The following GRM7 variants were observed in gnomAD, a reference collection of about 807,000 sequenced individuals.
GRM7 encodes the protein metabotropic glutamate receptor 7.
A neutral mutation model predicts 84.5 loss-of-function variants in GRM7; 35 were observed. That is an observed-to-expected ratio of 0.41 (90% confidence interval 0.32 to 0.55). The LOEUF (loss-of-function observed/expected upper bound fraction) is 0.55. Among genes scored for constraint, GRM7 ranks in the 20% least tolerant of loss-of-function variants. The pLI is 0.19. For missense variants in GRM7, 1,003 were observed against 1,194.6 expected, an observed-to-expected ratio of 0.84 and a Z score of 2.36; for synonymous variants, 487 against 455.1, an observed-to-expected ratio of 1.07 and a Z score of -0.89.
intron 5 of GRM7, among the ~76,000 whole-genome samples, chr3:7,436,307 C>A (rs1214380590): frequency 2.0e-5 from 3 of 151,898 alleles, no homozygotes; most frequent in South Asian, 2.1e-4. Flanking sequence ...TAAGAACAGG[C>A]TTAGATTAGG....
intron 2 of GRM7, among the ~76,000 whole-genome samples, chr3:7,178,481 C>G (rs1199217860): frequency 6.6e-6 from 1 of 152,100 alleles, no homozygotes; most frequent in Non-Finnish European, 1.5e-5. Flanking sequence ...ATTAGCAGAG[C>G]TCACTGCTTA....
intron 4 of GRM7, among the ~76,000 whole-genome samples, chr3:7,398,861 A>T (rs1424447557): frequency 6.6e-6 from 1 of 151,956 alleles, no homozygotes; most frequent in African/African-American, 2.4e-5. Context: ...AAGCTTTGAG[A>T]TTCTATGATT....
intron 2 of GRM7, among the ~76,000 whole-genome samples, chr3:7,290,073 C>G (rs1333875581): frequency 6.6e-6 from 1 of 152,022 alleles, no homozygotes; most frequent in African/African-American, 2.4e-5. Context: ...ATGTTAATTT[C>G]TATATCCCCC....
rs115103879 is a variant in GRM7, at chr3:7,097,812, G to A, written c.520-48640G>A. 4.6e-3 allele frequency among the ~76,000 whole-genome samples: 697 copies of A among 152,066 alleles called. 7 individuals are homozygous for A. Among genetic ancestry groups the A allele is most frequent in the African/African-American group, 0.016 (660 of 41,508 alleles). ...GACTCCTTTGCCTCATTTGACATTC[G>A]AAGCCATGCTTTTCTAATTGGAACT... On this transcript the variant is annotated intron_variant, in intron 1 of 9. Transcript: ENST00000357716.
chr3:7,356,304 T>TTTTTTA (rs1693398728), intron 4 of GRM7, among the ~76,000 whole-genome samples: 1 of 151,460 alleles, frequency 6.6e-6, no homozygotes, highest in Non-Finnish European at 1.5e-5. Flanking sequence ...AGGATTTTTT[T>TTTTTTA]TTTTTTATTT....
At chr3:7,229,631 T>C (rs1394360473) in intron 2 of GRM7, among the ~76,000 whole-genome samples, 2 of 148,266 alleles carry the variant, frequency 1.3e-5, no homozygotes, top group Admixed American at 6.8e-5. Context: ...TGGATTTCCC[T>C]GGGAAATACT....
chr3:7,246,024 T>A (rs1489957943), intron 2 of GRM7, among the ~76,000 whole-genome samples: 1 of 152,128 alleles, frequency 6.6e-6, no homozygotes, highest in Non-Finnish European at 1.5e-5. Context: ...ACTGAAGAGA[T>A]AGAATGCATT....
chr3:7,002,693 T>C (rs1467454893), intron 1 of GRM7, among the ~76,000 whole-genome samples: 1 of 152,030 alleles, frequency 6.6e-6, no homozygotes, highest in African/African-American at 2.4e-5. Flanking sequence ...CTTTTAAAAA[T>C]TAAAAAATAG....
intron 4 of GRM7, among the ~76,000 whole-genome samples, chr3:7,409,725 C>G (rs1695840841): frequency 6.6e-6 from 1 of 152,062 alleles, no homozygotes; most frequent in Non-Finnish European, 1.5e-5. Flanking sequence ...CTCAGCCTCC[C>G]AAGTAGCTGG....
At chr3:7,597,055 T>C (rs2125067434) in intron 8 of GRM7, among the ~76,000 whole-genome samples, 1 of 152,300 alleles carries the variant, frequency 6.6e-6, no homozygotes, top group East Asian at 1.9e-4. Flanking sequence ...TATAAAGAAA[T>C]ACCTGAGACT....
intron 2 of GRM7, among the ~76,000 whole-genome samples, chr3:7,212,856 C>T (rs1310325944): frequency 6.6e-6 from 1 of 152,148 alleles, no homozygotes; most frequent in Non-Finnish European, 1.5e-5. Context: ...ATTGAGAAGA[C>T]ACTGCATGCT....
intron 1 of GRM7, among the ~76,000 whole-genome samples, chr3:7,067,051 C>T (rs540003278): frequency 7.9e-5 from 12 of 151,958 alleles, no homozygotes; most frequent in East Asian, 3.9e-4. Context: ...TGTGACAAAC[C>T]GACAGCCAAC....
chr3:6,885,213 T>A (rs1332339758), intron 1 of GRM7, among the ~76,000 whole-genome samples: 1 of 152,178 alleles, frequency 6.6e-6, no homozygotes, highest in East Asian at 1.9e-4. Context: ...ACGACTTTTA[T>A]TGAAGCAGTA....
intron 7 of GRM7, chr3:7,559,346 G>A (rs931423914): frequency 1.3e-5 from 2 of 152,054 alleles, no homozygotes; most frequent in Non-Finnish European, 2.9e-5. Context: ...ATGCCAAGGT[G>A]TGTACCCTAT....
intron 1 of GRM7, among the ~76,000 whole-genome samples, chr3:7,115,318 A>G (rs1692993885): frequency 6.6e-6 from 1 of 152,100 alleles, no homozygotes; most frequent in Non-Finnish European, 1.5e-5. Context: ...TCTCTTTGCT[A>G]GTGATAACAG....
At chr3:7,146,391 A>T in intron 1 of GRM7, 61 bp from the exon 2 acceptor site, 1 of 1,249,248 alleles carries the variant, frequency 8.0e-7, no homozygotes, top group South Asian at 1.2e-5. Flanking sequence ...TGTCATAAGT[A>T]TAAATGAGTC....
At chr3:7,654,330 C>G (rs968189234) in intron 8 of GRM7, among the ~76,000 whole-genome samples, 1 of 152,094 alleles carries the variant, frequency 6.6e-6, no homozygotes, top group African/African-American at 2.4e-5. Flanking sequence ...TGTAACTAGC[C>G]TCATCTGTCA....
chr3:7,146,055 C>A (rs1376954094), intron 1 of GRM7, among the ~76,000 whole-genome samples: 1 of 152,188 alleles, frequency 6.6e-6, no homozygotes. Flanking sequence ...GCTGTGCTAA[C>A]TAAACCAATC....
chr3:7,005,668 T>G (rs546649502), intron 1 of GRM7, among the ~76,000 whole-genome samples: 20 of 152,204 alleles, frequency 1.3e-4, no homozygotes, highest in Non-Finnish European at 1.9e-4. Context: ...AGTAAGCCTC[T>G]TGCAATAGCA....
Sources: allele counts gnomAD v4.1 joint callset (sites outside exome capture counted in the v4.1 genomes callset), GRCh38; gene constraint gnomAD v4.1.1; transcripts MANE v1.5; gene names NCBI Gene and HGNC (gene_info 2026-07-23, HGNC 2026-07-21).